Variants in PLA2G5 observed in about 807,000 individuals in gnomAD.
The protein encoded by PLA2G5 is phospholipase A2 group V.
A neutral mutation model predicts 15.9 loss-of-function variants in PLA2G5; 12 were observed. The observed-to-expected ratio is 0.76, with a 90% CI of 0.48 to 1.23. PLA2G5 has a LOEUF of 1.23. Ranked by LOEUF, PLA2G5 falls within the 50% of genes most tolerant of loss-of-function variation. PLA2G5 has a pLI of 0.00. For missense variants in PLA2G5, 169 were observed against 177.1 expected (o/e 0.95, Z 0.26); for synonymous variants, 71 against 71.4 (o/e 0.99, Z 0.03).
rs183989617 is a variant in PLA2G5, at chr1:20,083,887, C to T, written c.-10-934C>T. Among the ~76,000 whole-genome samples, 131 of 151,898 alleles carry T rather than the reference C, an allele frequency of 8.6e-4. 2 individuals carry two copies. Among genetic ancestry groups the T allele is most frequent in the Non-Finnish European group, 1.5e-3 (100 of 68,018 alleles). On this transcript the variant is annotated intron_variant, in intron 1 of 4. Coordinates refer to ENST00000375108, the MANE Select transcript of PLA2G5 (RefSeq NM_000929.3). ...GAACAGTAATACCTACCCTGCAGCA[C>T]TCTCGTGAGCCCCCAGGGTTGACTT... is the stretch of plus-strand genomic sequence containing the variant.
At chr1:20,063,650 A>T (rs144830616) in intron 2 of PLA2G5, 1 of 152,296 alleles carries the variant, frequency 6.6e-6, no homozygotes, top group Non-Finnish European at 1.5e-5. Context: ...TGCCTGGGAA[A>T]TGAAGAGCAA....
intron 3 of PLA2G5, among the ~76,000 whole-genome samples, chr1:20,088,542 T>A (rs1218761345): frequency 2.0e-5 from 3 of 152,006 alleles, no homozygotes; most frequent in Non-Finnish European, 4.4e-5. Flanking sequence ...GTATCAATAT[T>A]GGTTCATTAA....
chr1:20,080,356 T>C (rs1569810800), intron 1 of PLA2G5, among the ~76,000 whole-genome samples: 1 of 152,044 alleles, frequency 6.6e-6, no homozygotes, highest in Non-Finnish European at 1.5e-5. Flanking sequence ...GTGAGGTGGG[T>C]GGATCACTTG....
intron 1 of PLA2G5, among the ~76,000 whole-genome samples, chr1:20,040,005 A>G (rs1000932372): frequency 3.3e-5 from 5 of 152,218 alleles, no homozygotes; most frequent in Non-Finnish European, 7.3e-5. Context: ...TTTTGTTTTG[A>G]GTCTTCTTTC....
intron 1 of PLA2G5, among the ~76,000 whole-genome samples, chr1:20,030,214 T>C (rs1569601636): frequency 4.6e-5 from 7 of 151,758 alleles, no homozygotes; most frequent in Admixed American, 4.6e-4. Flanking sequence ...TATTGATCAC[T>C]ATCTCTACTA....
In PLA2G5 at chr1:20,052,746, T is replaced by C. The variant is rs1423156403; in HGVS notation, n.277-6886T>C. 3.3e-5 allele frequency among the ~76,000 whole-genome samples: 5 copies of C among 152,312 alleles called. No individual in the cohort carries two copies. In the East Asian group the frequency reaches 5.8e-4, roughly 18 times the overall value. On this transcript the variant is annotated intron_variant and non_coding_transcript_variant, in intron 1 of 6. Transcript: ENST00000460175. ...AAATGTGAAAGGAAAGTAAATCTTG[T>C]GGCCCCCAAATCACTAAGCTAAAGG...
chr1:20,032,826 G>T (rs569527310), intron 1 of PLA2G5, among the ~76,000 whole-genome samples: 1 of 152,142 alleles, frequency 6.6e-6, no homozygotes, highest in African/African-American at 2.4e-5. Context: ...TAATGATGGG[G>T]TTTTAAGGGG....
intron 1 of PLA2G5, among the ~76,000 whole-genome samples, chr1:20,058,948 A>T (rs1174073380): frequency 6.6e-6 from 1 of 151,812 alleles, no homozygotes; most frequent in African/African-American, 2.4e-5. Flanking sequence ...CCGAGATGGG[A>T]GGATCACTTG....
intron 2 of PLA2G5, among the ~76,000 whole-genome samples, chr1:20,063,228 C>A (rs558792160): frequency 7.9e-5 from 12 of 152,202 alleles, no homozygotes; most frequent in African/African-American, 2.4e-4. Context: ...ATGAAAAAAA[C>A]CAAAAGAGTT....
chr1:20,086,802 A>G (rs911468866), intron 3 of PLA2G5, among the ~76,000 whole-genome samples: 1 of 152,208 alleles, frequency 6.6e-6, no homozygotes, highest in Admixed American at 6.5e-5. Flanking sequence ...AGCAGTCACA[A>G]AGGCTTTAAG....
rs139174336 is a variant in PLA2G5 at position 20,055,467 on chromosome 1, C to A, written n.277-4165C>A. Among the ~76,000 whole-genome samples the A allele has an allele frequency of 4.5e-3, 680 of 152,276 alleles. 7 individuals are homozygous for A. Among genetic ancestry groups the A allele is most frequent in the African/African-American group, 0.016 (645 of 41,552 alleles). On this transcript the variant is annotated intron_variant and non_coding_transcript_variant, in intron 1 of 6. Coordinates refer to the PLA2G5 transcript ENST00000460175. ...TCATTCTCCTCTGCTTTGTGTCCAG[C>A]TTTTCTTACTGCCCACTGGTCTTGA...
At chr1:20,057,190 T>A (rs1157875560) in intron 1 of PLA2G5, among the ~76,000 whole-genome samples, 7 of 152,114 alleles carry the variant, frequency 4.6e-5, no homozygotes, top group Admixed American at 3.9e-4. Flanking sequence ...TCTCTATTGA[T>A]GTCCTATTTT....
At chr1:20,063,132 G>A (rs967731231) in intron 2 of PLA2G5, among the ~76,000 whole-genome samples, 16 of 152,092 alleles carry the variant, frequency 1.1e-4, no homozygotes, top group African/African-American at 3.6e-4. Flanking sequence ...GTTCAAGGCT[G>A]CAGTGAGCTA....
intron 1 of PLA2G5, among the ~76,000 whole-genome samples, chr1:20,045,480 T>C (rs184229842): frequency 1.3e-5 from 2 of 152,200 alleles, no homozygotes; most frequent in Non-Finnish European, 2.9e-5. Context: ...GAGTTTTGGG[T>C]TCATGGATAA....
chr1:20,089,873 C>T lies in PLA2G5; in HGVS notation c.270C>T (p.Phe90=). The T allele has an allele frequency of 1.2e-6, 2 of 1,613,650 alleles. No individual in the cohort carries two copies. Among genetic ancestry groups the T allele is most frequent in the Non-Finnish European group, 8.5e-7 (1 of 1,179,718 alleles). ...NIRTQSYKYR[F]AWGVVTCEPG... ...GCACACAGTCCTACAAATACAGATT[C>T]GCGTGGGGCGTGGTCACCTGCGGTA... Residue 90 remains phenylalanine (F), a synonymous_variant, in exon 4 of 5, where the codon TTC becomes TTT. Coordinates refer to ENST00000375108, the MANE Select transcript of PLA2G5 (RefSeq NM_000929.3).
intron 1 of PLA2G5, among the ~76,000 whole-genome samples, chr1:20,041,612 G>C (rs1007851426): frequency 6.6e-6 from 1 of 152,136 alleles, no homozygotes; most frequent in Non-Finnish European, 1.5e-5. Flanking sequence ...CTTGAGGATA[G>C]ATTTCCATGA....
chr1:20,030,665 T>TG (rs914987456), intron 1 of PLA2G5, among the ~76,000 whole-genome samples: 3 of 152,082 alleles, frequency 2.0e-5, no homozygotes, highest in African/African-American at 7.2e-5. Context: ...GCTGTCTCAG[T>TG]GGGGAGAATC....
intron 1 of PLA2G5, among the ~76,000 whole-genome samples, chr1:20,059,120 C>CAA (rs34667227): frequency 0.01 from 867 of 82,838 alleles, 20 homozygotes; most frequent in African/African-American, 0.029. Context: ...GAGACTGTCT[C>CAA]AAAAAAAAAA....
intron 1 of PLA2G5, among the ~76,000 whole-genome samples, chr1:20,032,129 T>A (rs1308798636): frequency 6.6e-6 from 1 of 152,142 alleles, no homozygotes; most frequent in Non-Finnish European, 1.5e-5. Flanking sequence ...TAGGGACTGT[T>A]TGGTTACTTG....
Sources: gnomAD v4.1 joint callset for allele counts (sites outside exome capture counted in the v4.1 genomes callset) on GRCh38, gnomAD v4.1.1 for gene constraint, MANE v1.5 for transcripts, NCBI Gene and HGNC (gene_info 2026-07-23, HGNC 2026-07-21) for gene names.